Variants in C1orf52 observed in about 807,000 individuals in gnomAD.
C1orf52 encodes the protein UPF0690 protein C1orf52.
A neutral mutation model predicts 17.2 loss-of-function variants in C1orf52; 5 were observed. That is an observed-to-expected ratio of 0.29 (90% confidence interval 0.15 to 0.61). C1orf52 has a LOEUF of 0.61. Among genes scored for constraint, C1orf52 ranks in the 20% least tolerant of loss-of-function variants. The pLI is 0.85. For missense variants in C1orf52, 245 were observed against 234.1 expected, an observed-to-expected ratio of 1.05 and a Z score of -0.30; for synonymous variants, 110 against 88.0, an observed-to-expected ratio of 1.25 and a Z score of -1.40.
At position 85,259,489 on chromosome 1, in the gene C1orf52, T is replaced by C; in HGVS notation, c.145A>G (p.Arg49Gly). 3 of 1,613,888 alleles carry C rather than the reference T, an allele frequency of 1.9e-6. No individual in the cohort carries two copies. The highest frequency in any genetic ancestry group is 2.2e-5 in the South Asian group (2 of 91,064). The change falls in exon 1 of 3, where the codon AGG (arginine) becomes GGG (glycine). Residue 49 changes from arginine (R) to glycine (G), a missense_variant. By Grantham distance (125) the Arg-to-Gly change is moderately radical. Coordinates refer to ENST00000471115, the MANE Select transcript of C1orf52 (RefSeq NM_198077.4). ...GGGAGCCGCTTCTCCGCCTTGTTCC[T>C]ACAGCCGCCCGCCGACTTCGCCGGA... The part of the protein sequence containing the change: ...PDPAKSAGGC[R>G]NKAEKRLPGP...
Position 85,259,427 on chromosome 1 carries a change from C to T in C1orf52, c.207G>A (p.Pro69=), listed in dbSNP as rs1350718898. The part of the protein sequence containing the change: ...PDELFRSVTR[P]AFLYNPLNKQ... ...TGTTGAGCGGATTGTAGAGAAAGGC[C>T]GGGCGAGTCACGCTCCTAAACAGCT... Residue 69 remains proline (P), a synonymous_variant, in exon 1 of 3, where the codon CCG becomes CCA. Transcript: ENST00000471115. 6.2e-7 allele frequency: 1 copy of T among 1,614,026 alleles called. No homozygotes were observed. Among genetic ancestry groups the T allele is most frequent in the Non-Finnish European group, 8.5e-7 (1 of 1,180,004 alleles).
Position 85,251,279 on chromosome 1 carries a change from G to T in C1orf52, c.*1350C>A, listed in dbSNP as rs1322000909. 6.6e-6 allele frequency: 1 copy of T among 152,060 alleles called. No homozygotes were observed. The highest frequency in any genetic ancestry group is 2.4e-5 in the African/African-American group (1 of 41,382). The allele number at this position is 152,060 out of a possible 1,614,324, so 9.4% of individuals were successfully genotyped here. On this transcript the variant is annotated 3_prime_UTR_variant, in exon 3 of 3. Transcript: ENST00000471115. ...TTGTCTAGGCTGGTCTCCAACTCTT[G>T]GCCTCAAGCTATCCTCCCACCTTGG...
In C1orf52 at chr1:85,259,517, C is replaced by T. The variant is rs1298688371; in HGVS notation, c.117G>A (p.Pro39=). ...AGCCGCCCGCCGACTTCGCCGGATCCGGGGTTCTGCGACTCGTCTCCTCCG... is the reference window on the plus strand; with the variant it reads ...AGCCGCCCGCCGACTTCGCCGGATCTGGGGTTCTGCGACTCGTCTCCTCCG... ...IEPEETSRRT[P]DPAKSAGGCR... The change falls in exon 1 of 3, where the codon CCG becomes CCA. Residue 39 remains proline, a synonymous_variant. Transcript: ENST00000471115. 5 of 1,613,904 alleles carry T rather than the reference C, an allele frequency of 3.1e-6. No individual in the cohort carries two copies. In the East Asian group the frequency reaches 8.9e-5, roughly 29 times the overall value.
At position 85,252,308 on chromosome 1, in the gene C1orf52, C is replaced by T. The variant is rs1490229889; in HGVS notation, c.*321G>A. Reference sequence around the variant, plus strand: ...AATATATTTACTTTAAAAATATATTCCTTTATAAAAGGTTTATAAGAACAT... The same window carrying T: ...AATATATTTACTTTAAAAATATATTTCTTTATAAAAGGTTTATAAGAACAT... On this transcript the variant is annotated 3_prime_UTR_variant, in exon 3 of 3. Transcript: ENST00000471115. The T allele has an allele frequency of 1.4e-5, 4 of 281,438 alleles. No homozygotes were observed. Among genetic ancestry groups the T allele is most frequent in the Non-Finnish European group, 2.7e-5 (4 of 150,106 alleles). The allele number at this position is 281,438 out of a possible 1,614,324, so 17.4% of individuals were successfully genotyped here.
At chr1:85,256,125 A>G (rs544747433) in intron 2 of C1orf52, among the ~76,000 whole-genome samples, 7 of 152,344 alleles carry the variant, frequency 4.6e-5, no homozygotes, top group African/African-American at 1.7e-4. Flanking sequence ...AAGAATAGCT[A>G]TATCTCACTG....
intron 2 of C1orf52, among the ~76,000 whole-genome samples, chr1:85,257,823 G>T (rs948931048): frequency 9.2e-5 from 14 of 152,126 alleles, no homozygotes; most frequent in African/African-American, 3.4e-4. Context: ...TGAAGCCTTC[G>T]GCCGGGAGCG....
intron 1 of C1orf52, 160 bp downstream of exon 1, chr1:85,259,198 G>T (rs1660025118): frequency 1.7e-6 from 2 of 1,152,768 alleles, no homozygotes; most frequent in Non-Finnish European, 2.4e-6. Context: ...GCGGGGAGAG[G>T]GGGCCAGGTT....
At chr1:85,258,498 C>A in intron 2 of C1orf52, 26 bp downstream of exon 2, 1 of 1,585,240 alleles carries the variant, frequency 6.3e-7, no homozygotes, top group Non-Finnish European at 8.6e-7. Flanking sequence ...CAAAATAGAC[C>A]ACCATCGGAT....
rs199663822 is a variant in C1orf52, at chr1:85,259,607, C to T, written c.27G>A (p.Leu9=). 63 of 1,577,520 alleles carry T rather than the reference C, an allele frequency of 4.0e-5. No homozygotes were observed. The highest frequency in any genetic ancestry group is 1.1e-4 in the Admixed American group (6 of 53,376). The stretch of plus-strand genomic sequence containing the variant: ...TGCTCCCGTATGCCGCAAAATAGCT[C>T]AGAGGGTCCTTCTCCTCCGCTGCCA... The part of the protein sequence containing the change: MAAEEKDP[L]SYFAAYGSSS... Residue 9 remains leucine (L), a synonymous_variant, in exon 1 of 3, where the codon CTG becomes CTA. Coordinates refer to ENST00000471115, the MANE Select transcript of C1orf52 (RefSeq NM_198077.4).
chr1:85,250,082 C>A lies in C1orf52; in HGVS notation c.*2547G>T, dbSNP rs544230876. The A allele has an allele frequency of 1.3e-5, 2 of 152,494 alleles. No individual in the cohort carries two copies. Among genetic ancestry groups the A allele is most frequent in the African/African-American group, 4.8e-5 (2 of 41,544 alleles). The allele number at this position is 152,494 out of a possible 1,614,324, so 9.4% of individuals were successfully genotyped here. ...CAGCAGGCAGAGAGCTTGTGCAGGGCAACTCCCTGCACTGATGGTTTTTAA... is the reference window on the plus strand; with the variant it reads ...CAGCAGGCAGAGAGCTTGTGCAGGGAAACTCCCTGCACTGATGGTTTTTAA... On this transcript the variant is annotated 3_prime_UTR_variant, in exon 3 of 3. Transcript: ENST00000471115.
In C1orf52 at chr1:85,259,533, G is replaced by A; in HGVS notation, c.101C>T (p.Thr34Met). 1.9e-6 allele frequency: 3 copies of A among 1,613,806 alleles called. No homozygotes were observed. Among genetic ancestry groups the A allele is most frequent in the Non-Finnish European group, 2.5e-6 (3 of 1,179,968 alleles). Reference sequence around the variant, plus strand: ...CGCCGGATCCGGGGTTCTGCGACTCGTCTCCTCCGGCTCGATGTTATCCTC... The same window carrying A: ...CGCCGGATCCGGGGTTCTGCGACTCATCTCCTCCGGCTCGATGTTATCCTC... ...DEEDNIEPEETSRRTPDPAKS... is the reference protein window; with the variant it reads ...DEEDNIEPEEMSRRTPDPAKS... Residue 34 changes from threonine (T) to methionine (M), a missense_variant, in exon 1 of 3, where the codon ACG (threonine) becomes ATG (methionine). Thr to Met is a moderately conservative substitution (Grantham distance 81, BLOSUM62 -1). Transcript: ENST00000471115.
chr1:85,255,523 C>A (rs1659914477), intron 2 of C1orf52, among the ~76,000 whole-genome samples: 1 of 150,646 alleles, frequency 6.6e-6, no homozygotes, highest in Non-Finnish European at 1.5e-5. Context: ...GCACTCCAGC[C>A]TGGGCGACAG....
At chr1:85,258,104 G>A (rs1366937206) in intron 2 of C1orf52, among the ~76,000 whole-genome samples, 2 of 145,732 alleles carry the variant, frequency 1.4e-5, no homozygotes, top group African/African-American at 5.1e-5. Flanking sequence ...TGGGCAACAA[G>A]AGCGAAATGC....
chr1:85,259,043 A>T, intron 1 of C1orf52: 5 of 1,299,704 alleles, frequency 3.8e-6, no homozygotes, highest in Non-Finnish European at 4.9e-6. Flanking sequence ...CGTCAAAGGG[A>T]AGGGGTCTCA....
rs1352261450 is a variant in C1orf52, at chr1:85,258,663, G to A, written c.336C>T (p.Thr112=). ...SNYVPPPETY[T]TEKKPPPPEL... ...CTGGAGGCGGAGGCTTCTTCTCAGT[G>A]GTGTAGGTCTCAGGAGGTGGTACAT... Residue 112 remains threonine (T), a synonymous_variant, in exon 2 of 3, where the codon ACC becomes ACT. Transcript: ENST00000471115. The A allele has an allele frequency of 1.2e-6, 2 of 1,613,690 alleles. No homozygotes were observed. Among genetic ancestry groups the A allele is most frequent in the African/African-American group, 1.3e-5 (1 of 74,988 alleles).
intron 2 of C1orf52, among the ~76,000 whole-genome samples, chr1:85,255,194 T>C (rs892814360): frequency 1.3e-5 from 2 of 152,192 alleles, no homozygotes; most frequent in Non-Finnish European, 1.5e-5. Flanking sequence ...CAATTAATTA[T>C]TATACATGTC....
At chr1:85,259,134 G>C (rs967421194) in intron 1 of C1orf52, 1 of 1,247,390 alleles carries the variant, frequency 8.0e-7, no homozygotes, top group South Asian at 1.7e-5. Flanking sequence ...GAGCGCGGAG[G>C]TTTGGGTCTC....
rs991628438 is a variant in C1orf52, at chr1:85,251,118, T to C, written c.*1511A>G. On this transcript the variant is annotated 3_prime_UTR_variant, in exon 3 of 3. Coordinates refer to ENST00000471115, the MANE Select transcript of C1orf52 (RefSeq NM_198077.4). ...TGAATTTTAATCTACTTGATACACA[T>C]GCCTAGGTAAACAAATCTCGCGTAA... 6.6e-6 allele frequency: 1 copy of C among 152,210 alleles called. No individual in the cohort carries two copies. Among genetic ancestry groups the C allele is most frequent in the Non-Finnish European group, 1.5e-5 (1 of 68,032 alleles). 9.4% of individuals were successfully genotyped at this position (152,210 alleles called of 1,614,324 possible).
chr1:85,253,005 G>C (rs922058400), intron 2 of C1orf52, among the ~76,000 whole-genome samples: 4 of 151,988 alleles, frequency 2.6e-5, no homozygotes, highest in Admixed American at 2.0e-4. Context: ...TTTGAAAAAG[G>C]CTCCCAAATA....
Sources: allele counts gnomAD v4.1 joint callset (sites outside exome capture counted in the v4.1 genomes callset), GRCh38; gene constraint gnomAD v4.1.1; transcripts MANE v1.5; gene names NCBI Gene and HGNC (gene_info 2026-07-23, HGNC 2026-07-21).